The following CD44 variants were observed in gnomAD, a reference collection of about 807,000 sequenced individuals.
CD44 encodes CD44 molecule (IN blood group).
A neutral mutation model predicts 88.8 loss-of-function variants in CD44; 49 were observed. The observed-to-expected ratio is 0.55, with a 90% CI of 0.44 to 0.70. The LOEUF is 0.70. Ranked by LOEUF, CD44 falls within the 30% of genes least tolerant of loss-of-function variation. CD44 has a pLI of 0.00. For synonymous variants in CD44, 325 were observed against 312.3 expected (o/e 1.04, Z -0.43); for missense variants, 883 against 913.8 (o/e 0.97, Z 0.43).
At chr11:35,154,216 C>T (rs1180462209) in intron 1 of CD44, among the ~76,000 whole-genome samples, 1 of 152,174 alleles carries the variant, frequency 6.6e-6, no homozygotes, top group South Asian at 2.1e-4. Context: ...GTTCCTTGAT[C>T]TTGTGGCTGA....
chr11:35,154,620 G>A (rs914903870), intron 1 of CD44, among the ~76,000 whole-genome samples: 8 of 152,194 alleles, frequency 5.3e-5, no homozygotes, highest in African/African-American at 1.4e-4. Context: ...TCTCAATGAC[G>A]ATGATAACAT....
chr11:35,198,055 T>A, intron 6 of CD44, 66 bp from the exon 7 acceptor site: 2 of 1,568,654 alleles, frequency 1.3e-6, no homozygotes, highest in South Asian at 2.3e-5. Context: ...CTGTGCCTGA[T>A]TTTCTTCCTT....
At position 35,230,222 on chromosome 11, in the gene CD44, G is replaced by GTTTTTTT. The variant is rs397849775; in HGVS notation, c.*895_*901dup. On this transcript the variant is annotated 3_prime_UTR_variant, in exon 18 of 18. Coordinates refer to ENST00000428726, the MANE Select transcript of CD44 (RefSeq NM_000610.4). ...GCACTGTTTTTGTTTTTTGTTTTTT[G>GTTTTTTT]TTTTTTTTTTTTGACACTGTCCAAA... is the stretch of plus-strand genomic sequence containing the variant. 1.4e-5 allele frequency: 2 copies of GTTTTTTT among 145,076 alleles called. No homozygotes were observed. Among genetic ancestry groups the GTTTTTTT allele is most frequent in the African/African-American group, 5.1e-5 (2 of 39,454 alleles). The allele number at this position is 145,076 out of a possible 1,614,324, so 9.0% of individuals were successfully genotyped here. A position where few individuals can be genotyped will look rare whatever the true frequency, so the allele number is the denominator to read the frequency against.
intron 1 of CD44, among the ~76,000 whole-genome samples, chr11:35,166,474 T>G (rs1383384445): frequency 6.6e-6 from 1 of 152,158 alleles, no homozygotes; most frequent in East Asian, 1.9e-4. Flanking sequence ...TTCTCCAAAC[T>G]CTCAAAACAA....
chr11:35,151,373 G>A (rs940397715), intron 1 of CD44, among the ~76,000 whole-genome samples: 1 of 152,184 alleles, frequency 6.6e-6, no homozygotes, highest in Non-Finnish European at 1.5e-5. Context: ...CTCTCAGACA[G>A]TGCTAGACAG....
chr11:35,197,023 C>G (rs1403339205), intron 6 of CD44, 149 bp downstream of exon 6: 1 of 717,676 alleles, frequency 1.4e-6, no homozygotes, highest in Non-Finnish European at 2.3e-6. Context: ...ACTCTGGTAT[C>G]TGTTTGTTTG....
chr11:35,141,692 C>G (rs564025616), intron 1 of CD44, among the ~76,000 whole-genome samples: 1 of 152,214 alleles, frequency 6.6e-6, no homozygotes, highest in Non-Finnish European at 1.5e-5. Context: ...CGTGTTTCCA[C>G]GGCCCCTTTG....
intron 1 of CD44, among the ~76,000 whole-genome samples, chr11:35,142,378 A>G (rs1858169488): frequency 6.6e-6 from 1 of 152,038 alleles, no homozygotes; most frequent in South Asian, 2.1e-4. Context: ...CATTATTCAC[A>G]ATAGCAAAGA....
chr11:35,193,071 C>T (rs891038070), intron 5 of CD44, among the ~76,000 whole-genome samples: 2 of 151,942 alleles, frequency 1.3e-5, no homozygotes, highest in African/African-American at 2.4e-5. Context: ...CGGGGATGCT[C>T]AGGTTTGTCT....
chr11:35,166,801 C>T (rs1943324637), intron 1 of CD44, among the ~76,000 whole-genome samples: 1 of 152,246 alleles, frequency 6.6e-6, no homozygotes, highest in Non-Finnish European at 1.5e-5. Flanking sequence ...ACTGTTTTCT[C>T]TGCTCATTAA....
At chr11:35,214,523 A>G (rs942972100) in intron 14 of CD44, 4 of 230,646 alleles carry the variant, frequency 1.7e-5, no homozygotes, top group African/African-American at 6.8e-5. Context: ...AGATATCACA[A>G]TATTTTTGTT....
intron 15 of CD44, among the ~76,000 whole-genome samples, chr11:35,216,424 T>A (rs1948833693): frequency 6.6e-6 from 1 of 152,216 alleles, no homozygotes; most frequent in Non-Finnish European, 1.5e-5. Flanking sequence ...CACCATCAGA[T>A]TTAAATGTTT....
chr11:35,208,316 T>C, intron 12 of CD44, 110 bp downstream of exon 12: 1 of 770,484 alleles, frequency 1.3e-6, no homozygotes, highest in Non-Finnish European at 2.3e-6. Context: ...CTATGTGGCT[T>C]ACTTCAGCCC....
At chr11:35,157,077 C>T (rs914330253) in intron 1 of CD44, among the ~76,000 whole-genome samples, 33 of 152,160 alleles carry the variant, frequency 2.2e-4, no homozygotes, top group Non-Finnish European at 1.5e-5. Context: ...CTCTATTGGT[C>T]CATAACCTCT....
At chr11:35,143,631 C>T (rs746085919) in intron 1 of CD44, among the ~76,000 whole-genome samples, 1 of 152,076 alleles carries the variant, frequency 6.6e-6, no homozygotes, top group Non-Finnish European at 1.5e-5. Flanking sequence ...GGCTCTCCCA[C>T]ACTACCTGTC....
Position 35,189,909 on chromosome 11 carries a change from A to C in CD44, c.511A>C (p.Ser171Arg). ...YRTNPEDIYP[S>R]NPTDDDVSSG... Reference sequence around the variant, plus strand: ...AACGAATCCTGAAGACATCTACCCCAGCAACCCTACTGATGATGACGTGAG... The same window carrying C: ...AACGAATCCTGAAGACATCTACCCCCGCAACCCTACTGATGATGACGTGAG... Residue 171 changes from serine to arginine, a missense_variant, in exon 5 of 18, where the codon AGC (serine) becomes CGC (arginine). Ser to Arg is a moderately radical substitution (Grantham distance 110). Transcript: ENST00000428726. 6.2e-7 allele frequency: 1 copy of C among 1,614,176 alleles called. No homozygotes were observed. Among genetic ancestry groups the C allele is most frequent in the Non-Finnish European group, 8.5e-7 (1 of 1,180,024 alleles).
chr11:35,149,474 T>C (rs1239221460), intron 1 of CD44, among the ~76,000 whole-genome samples: 1 of 152,212 alleles, frequency 6.6e-6, no homozygotes, highest in East Asian at 1.9e-4. Context: ...GAACAATACT[T>C]AGCACGTAAT....
chr11:35,165,925 GA>G (rs1266266401), intron 1 of CD44, among the ~76,000 whole-genome samples: 3 of 152,036 alleles, frequency 2.0e-5, no homozygotes, highest in Non-Finnish European at 4.4e-5. Context: ...CAACTGTTAC[GA>G]AAGTCTTCCC....
chr11:35,179,118 C>A (rs539578253), intron 2 of CD44, among the ~76,000 whole-genome samples: 53 of 152,342 alleles, frequency 3.5e-4, no homozygotes, highest in Admixed American at 3.4e-3. Flanking sequence ...ATGCGAGCTA[C>A]AATTGCCACA....
Sources: gnomAD v4.1 joint callset for allele counts (sites outside exome capture counted in the v4.1 genomes callset) on GRCh38, gnomAD v4.1.1 for gene constraint, MANE v1.5 for transcripts, NCBI Gene and HGNC (gene_info 2026-07-23, HGNC 2026-07-21) for gene names.